Variants in RBFOX1 observed in about 807,000 individuals in gnomAD.
RBFOX1 encodes the protein RNA binding fox-1 homolog 1, also known as RNA binding protein fox-1 homolog 1.
RBFOX1 carries 8 observed loss-of-function variants against 57.7 expected under a neutral mutation model. That is an observed-to-expected ratio of 0.14 (90% confidence interval 0.08 to 0.25). The LOEUF (loss-of-function observed/expected upper bound fraction) is 0.25. Ranked by LOEUF, RBFOX1 falls within the 10% of genes least tolerant of loss-of-function variation. The pLI, the probability that RBFOX1 is intolerant of heterozygous loss-of-function variation, is 1.00. For synonymous variants in RBFOX1, 326 were observed against 222.4 expected (o/e 1.47, Z -4.15); for missense variants, 611 against 548.5 (o/e 1.11, Z -1.14).
Position 6,069,942 on chromosome 16 carries a change from C to T in RBFOX1, c.-127+49950C>T, listed in dbSNP as rs749247533. ...GCAGAAATTGCAGTGAGCCGAGATCCAACCGCTGCACTCCAGCCTGGGTGA... is the reference window on the plus strand; with the variant it reads ...GCAGAAATTGCAGTGAGCCGAGATCTAACCGCTGCACTCCAGCCTGGGTGA... On this transcript the variant is annotated intron_variant, in intron 1 of 15. Coordinates refer to ENST00000550418, the MANE Select transcript of RBFOX1 (RefSeq NM_018723.4). 5.3e-5 allele frequency among the ~76,000 whole-genome samples: 8 copies of T among 152,058 alleles called. No individual in the cohort carries two copies. In the South Asian group the frequency reaches 6.2e-4, roughly 12 times the overall value.
At chr16:7,623,884 AC>A (rs1488611842) in intron 10 of RBFOX1, among the ~76,000 whole-genome samples, 1 of 152,092 alleles carries the variant, frequency 6.6e-6, no homozygotes, top group Non-Finnish European at 1.5e-5. Flanking sequence ...ATTAAGGCCC[AC>A]CCATATGACC....
chr16:7,524,440 G>A (rs910697169), intron 5 of RBFOX1, among the ~76,000 whole-genome samples: 3 of 152,130 alleles, frequency 2.0e-5, no homozygotes, highest in Non-Finnish European at 2.9e-5. Flanking sequence ...TGCTGACAGA[G>A]CCAATACTGT....
intron 1 of RBFOX1, among the ~76,000 whole-genome samples, chr16:5,325,912 CA>C (rs1170695096): frequency 6.6e-6 from 1 of 152,140 alleles, no homozygotes; most frequent in Non-Finnish European, 1.5e-5. Flanking sequence ...TTTGTTTAAA[CA>C]TAAGTTTTCA....
intron 4 of RBFOX1, among the ~76,000 whole-genome samples, chr16:7,280,103 C>T (rs1042336347): frequency 2.6e-5 from 4 of 152,248 alleles, no homozygotes; most frequent in Non-Finnish European, 5.9e-5. Context: ...GAGCCAGCTT[C>T]TGAATCCTGG....
At chr16:6,872,187 C>G (rs903465700) in intron 3 of RBFOX1, among the ~76,000 whole-genome samples, 3 of 152,122 alleles carry the variant, frequency 2.0e-5, no homozygotes, top group Non-Finnish European at 2.9e-5. Context: ...GTCTTAGTCA[C>G]CAACTTGTGC....
At chr16:6,960,784 T>C (rs1284657173) in intron 3 of RBFOX1, among the ~76,000 whole-genome samples, 1 of 151,854 alleles carries the variant, frequency 6.6e-6, no homozygotes, top group Non-Finnish European at 1.5e-5. Flanking sequence ...ATCATATCCC[T>C]GACTGTAGGG....
At chr16:7,375,715 C>G (rs949741744) in intron 4 of RBFOX1, among the ~76,000 whole-genome samples, 1 of 152,024 alleles carries the variant, frequency 6.6e-6, no homozygotes, top group African/African-American at 2.4e-5. Flanking sequence ...AGCACCTTGC[C>G]TATAAATAAA....
At chr16:5,392,550 T>G (rs576291273) in intron 1 of RBFOX1, among the ~76,000 whole-genome samples, 1 of 151,820 alleles carries the variant, frequency 6.6e-6, no homozygotes, top group Non-Finnish European at 1.5e-5. Context: ...TTTTTTCTTT[T>G]TTTTTTGAGA....
chr16:6,983,252 G>C (rs530697450), intron 3 of RBFOX1, among the ~76,000 whole-genome samples: 3 of 152,014 alleles, frequency 2.0e-5, no homozygotes, highest in African/African-American at 7.2e-5. Flanking sequence ...AGAGCTACTT[G>C]GAATCACTAG....
intron 4 of RBFOX1, among the ~76,000 whole-genome samples, chr16:5,904,032 A>T (rs945108170): frequency 1.3e-5 from 2 of 152,162 alleles, no homozygotes; most frequent in African/African-American, 4.8e-5. Context: ...TCAGCGAGGC[A>T]GCCATGTGCG....
At chr16:7,274,705 G>A (rs2095407293) in intron 4 of RBFOX1, among the ~76,000 whole-genome samples, 1 of 135,876 alleles carries the variant, frequency 7.4e-6, no homozygotes, top group South Asian at 2.4e-4. Context: ...ATTTTTTTGA[G>A]GCAAGGTCTC....
intron 4 of RBFOX1, among the ~76,000 whole-genome samples, chr16:7,127,243 T>C (rs577197602): frequency 6.1e-4 from 93 of 152,306 alleles, no homozygotes; most frequent in African/African-American, 2.1e-3. Context: ...CTCCATACTT[T>C]CCTGTATCCA....
At chr16:7,259,562 G>GC (rs1300201249) in intron 4 of RBFOX1, among the ~76,000 whole-genome samples, 1 of 146,170 alleles carries the variant, frequency 6.8e-6, no homozygotes, top group African/African-American at 2.5e-5. Flanking sequence ...AATCTCCAAT[G>GC]TAAAAAAAAA....
In RBFOX1 at chr16:6,689,824, G is replaced by A. The variant is rs531931003; in HGVS notation, c.-16+35174G>A. ...GACTCAATGCACAGACTTCTTGAGC[G>A]AGGGCAGTAAGCTTTGTCTCCTGCA... is the stretch of plus-strand genomic sequence containing the variant. On this transcript the variant is annotated intron_variant, in intron 3 of 15. Coordinates refer to ENST00000550418, the MANE Select transcript of RBFOX1 (RefSeq NM_018723.4). Among the ~76,000 whole-genome samples, 33 of 152,274 alleles carry A rather than the reference G, an allele frequency of 2.2e-4. No individual in the cohort carries two copies. In the South Asian group the frequency reaches 2.3e-3, roughly 11 times the overall value.
rs370996160 is a variant in RBFOX1, at chr16:5,325,371, G to A, written c.219+85266G>A. 3.7e-3 allele frequency among the ~76,000 whole-genome samples: 558 copies of A among 152,242 alleles called. 9 individuals carry two copies. Among genetic ancestry groups the A allele is most frequent in the South Asian group, 0.031 (149 of 4,824 alleles). ...TTTTCTTTGACAAGATCCTATTCCT[G>A]CACAGTTGTGTGAAAACTAAATTTA... On this transcript the variant is annotated intron_variant, in intron 1 of 2. Transcript: ENST00000585867.
chr16:7,026,691 G>T (rs9302835), intron 3 of RBFOX1, among the ~76,000 whole-genome samples: 20 of 152,082 alleles, frequency 1.3e-4, no homozygotes, highest in Admixed American at 1.0e-3. Flanking sequence ...CTCTCAGGTC[G>T]GGTGACTTAC....
intron 14 of RBFOX1, among the ~76,000 whole-genome samples, chr16:7,700,751 G>A (rs1396505993): frequency 1.3e-5 from 2 of 152,154 alleles, no homozygotes; most frequent in Non-Finnish European, 2.9e-5. Flanking sequence ...TACTTACTGT[G>A]TCTTCTCTAC....
intron 1 of RBFOX1, among the ~76,000 whole-genome samples, chr16:6,141,257 T>C (rs2096713672): frequency 6.6e-6 from 1 of 152,160 alleles, no homozygotes; most frequent in African/African-American, 2.4e-5. Flanking sequence ...ATGTAAACCC[T>C]TCTAATCCTC....
At chr16:5,319,979 C>A (rs1033030868) in intron 1 of RBFOX1, among the ~76,000 whole-genome samples, 1 of 152,114 alleles carries the variant, frequency 6.6e-6, no homozygotes, top group Non-Finnish European at 1.5e-5. Context: ...TTTGGTGGCC[C>A]GGGTGCAGTC....
Sources: allele counts gnomAD v4.1 joint callset (sites outside exome capture counted in the v4.1 genomes callset), GRCh38; gene constraint gnomAD v4.1.1; transcripts MANE v1.5; gene names NCBI Gene and HGNC (gene_info 2026-07-23, HGNC 2026-07-21).